The following CCZ1 variants were observed in gnomAD, a reference collection of about 807,000 sequenced individuals.
CCZ1 encodes the protein CCZ1 vacuolar protein trafficking and biogenesis associated, also known as vacuolar fusion protein CCZ1 homolog.
Under a neutral mutation model 57.8 loss-of-function variants are expected in CCZ1, and 19 were observed. The ratio of observed to expected loss-of-function variants is 0.33; its 90% confidence interval spans 0.23 to 0.48. The LOEUF is 0.48. CCZ1 is among the 20% of genes least tolerant of loss of function. The pLI, the probability that CCZ1 is intolerant of heterozygous loss-of-function variation, is 0.99. For synonymous variants in CCZ1, 81 were observed against 167.0 expected (o/e 0.49, Z 3.97); for missense variants, 200 against 492.0 (o/e 0.41, Z 5.61).
intron 8 of CCZ1, 187 bp downstream of exon 8, chr7:5,910,303 C>T (rs1187872850): frequency 2.0e-5 from 10 of 488,016 alleles, no homozygotes; most frequent in Non-Finnish European, 3.6e-5. Flanking sequence ...CAGTATGTGA[C>T]ATTCAGATGT....
intron 12 of CCZ1, among the ~76,000 whole-genome samples, chr7:5,923,179 TG>T (rs1779281830): frequency 1.1e-5 from 1 of 89,012 alleles, no homozygotes; most frequent in Non-Finnish European, 2.2e-5. Flanking sequence ...TAGCTGGGCG[TG>T]GTGGCGGGCG....
chr7:5,901,904 T>G (rs1314956715), intron 5 of CCZ1, 200 bp downstream of exon 5: 1 of 521,350 alleles, frequency 1.9e-6, no homozygotes, highest in Non-Finnish European at 3.3e-6. Flanking sequence ...TCCCTTCTCT[T>G]TTCTCAGCCT....
chr7:5,916,553 G>A (rs1209454945), intron 10 of CCZ1, among the ~76,000 whole-genome samples: 1 of 141,820 alleles, frequency 7.1e-6, no homozygotes, highest in East Asian at 2.0e-4. Flanking sequence ...GTCCCACTCT[G>A]GTGTGAGCTT....
intron 6 of CCZ1, among the ~76,000 whole-genome samples, chr7:5,904,466 A>G (rs1781756791): frequency 6.8e-6 from 1 of 146,048 alleles, no homozygotes; most frequent in Non-Finnish European, 1.5e-5. Flanking sequence ...CCTAGACACG[A>G]GAATCACGGA....
chr7:5,903,754 G>A (rs1290098323), intron 6 of CCZ1, among the ~76,000 whole-genome samples: 3 of 147,712 alleles, frequency 2.0e-5, no homozygotes, highest in Non-Finnish European at 4.4e-5. Context: ...ACCACTTTGG[G>A]AGGCCGATGC....
Position 5,900,828 on chromosome 7 carries a change from A to T in CCZ1, c.313-27A>T, listed in dbSNP as rs1280012491. ...AAACATGGTCTAATGAATTCATTGT[A>T]TAATTTCAGTTTATCAAACTTTGTA... is the stretch of plus-strand genomic sequence containing the variant. On this transcript the variant is annotated intron_variant, in intron 3 of 14. Coordinates refer to ENST00000325974, the MANE Select transcript of CCZ1 (RefSeq NM_015622.6). 4.0e-6 allele frequency: 5 copies of T among 1,263,304 alleles called. No individual in the cohort carries two copies. In the South Asian group the frequency reaches 7.0e-5, roughly 18 times the overall value. 78.3% of individuals were successfully genotyped at this position (1,263,304 alleles called of 1,614,324 possible).
At chr7:5,920,957 T>TTG (rs1212729123) in intron 12 of CCZ1, among the ~76,000 whole-genome samples, 1 of 106,970 alleles carries the variant, frequency 9.3e-6, no homozygotes, top group South Asian at 3.0e-4. Context: ...TTGGGTTTTT[T>TTG]TTTTTTTTTT....
Position 5,904,516 on chromosome 7 carries a change from C to T in CCZ1, c.523-578C>T, listed in dbSNP as rs1467130462. On this transcript the variant is annotated intron_variant, in intron 6 of 14. Transcript: ENST00000325974. ...GACCAGCCTAGGCAACATAGCAAGA[C>T]TCTGTCTATACCAAAAAAAAAAAAA... is the stretch of plus-strand genomic sequence containing the variant. Among the ~76,000 whole-genome samples, 19 of 144,950 alleles carry T rather than the reference C, an allele frequency of 1.3e-4. 2 individuals carry two copies. The highest frequency in any genetic ancestry group is 3.7e-4 in the African/African-American group (14 of 38,030).
intron 6 of CCZ1, among the ~76,000 whole-genome samples, chr7:5,904,360 A>G (rs1781754164): frequency 6.9e-6 from 1 of 144,534 alleles, no homozygotes; most frequent in African/African-American, 2.6e-5. Context: ...GGCTGGGATT[A>G]CAGGCGCGAG....
rs529101988 is a variant in CCZ1, at chr7:5,907,323, G to A, written c.698+2054G>A. 1.9e-4 allele frequency among the ~76,000 whole-genome samples: 28 copies of A among 149,654 alleles called. 1 individual carries two copies. Among genetic ancestry groups the A allele is most frequent in the Admixed American group, 5.3e-4 (8 of 15,146 alleles). On this transcript the variant is annotated intron_variant, in intron 7 of 14. Coordinates refer to ENST00000325974, the MANE Select transcript of CCZ1 (RefSeq NM_015622.6). ...GTTGTGCTTCTGTAGCATCAGGTCT[G>A]CAGAGGGATGGCTCCTCCACAGATG...
At chr7:5,899,377 GT>G (rs1781630878) in intron 1 of CCZ1, among the ~76,000 whole-genome samples, 2 of 93,206 alleles carry the variant, frequency 2.1e-5, no homozygotes, top group Non-Finnish European at 4.8e-5. Flanking sequence ...GTGTGTGTGT[GT>G]GTGTGGTTTT....
chr7:5,912,377 C>CTTTTTTTTTT lies in CCZ1; in HGVS notation c.843-442_843-433dup, dbSNP rs4036238. On this transcript the variant is annotated intron_variant, in intron 9 of 14. Coordinates refer to ENST00000325974, the MANE Select transcript of CCZ1 (RefSeq NM_015622.6). ...GAGTTAAAACTTACTTCAGCATACC[C>CTTTTTTTTTT]TTTTTTTTTTTTTTTTTTTTTTTTT... is the stretch of plus-strand genomic sequence containing the variant. Among the ~76,000 whole-genome samples the CTTTTTTTTTT allele has an allele frequency of 7.3e-5, 4 of 54,700 alleles. 1 individual carries two copies. The highest frequency in any genetic ancestry group is 3.1e-4 in the Admixed American group (1 of 3,272). 35.9% of individuals were successfully genotyped at this position (54,700 alleles called of 152,430 possible).
At chr7:5,904,704 G>A (rs1220530477) in intron 6 of CCZ1, among the ~76,000 whole-genome samples, 15 of 147,214 alleles carry the variant, frequency 1.0e-4, no homozygotes, top group Admixed American at 2.7e-4. Flanking sequence ...GGTGGCAGGC[G>A]CCTGTAGTCC....
intron 7 of CCZ1, 152 bp downstream of exon 7, chr7:5,905,421 A>G (rs1781787847): frequency 6.7e-6 from 4 of 594,232 alleles, no homozygotes; most frequent in South Asian, 2.1e-5. Context: ...TAAAGCAGTG[A>G]TTATTTAAAG....
chr7:5,916,355 T>TA (rs1202858342), intron 10 of CCZ1, among the ~76,000 whole-genome samples: 1 of 127,424 alleles, frequency 7.8e-6, no homozygotes, highest in Non-Finnish European at 1.7e-5. Context: ...TGCGGTTTAT[T>TA]ACAGTGGAAG....
intron 6 of CCZ1, among the ~76,000 whole-genome samples, chr7:5,903,422 T>C (rs1308463505): frequency 6.9e-6 from 1 of 145,628 alleles, no homozygotes; most frequent in African/African-American, 2.6e-5. Flanking sequence ...CCCAGCCTAG[T>C]TTATCTCGAA....
Position 5,910,847 on chromosome 7 carries a change from G to A in CCZ1, c.780+731G>A, listed in dbSNP as rs372997837. Among the ~76,000 whole-genome samples the A allele has an allele frequency of 2.6e-4, 38 of 146,856 alleles. 2 individuals carry two copies. Among genetic ancestry groups the A allele is most frequent in the East Asian group, 6.8e-4 (3 of 4,394 alleles). On this transcript the variant is annotated intron_variant, in intron 8 of 14. Transcript: ENST00000325974. ...GCTTCCTGGATTCAAACAATTCTCCGGCCTCAGGCTCCCGAGTAGCTGAGA... is the reference window on the plus strand; with the variant it reads ...GCTTCCTGGATTCAAACAATTCTCCAGCCTCAGGCTCCCGAGTAGCTGAGA...
chr7:5,905,914 T>C lies in CCZ1; in HGVS notation c.698+645T>C, dbSNP rs183492605. ...AGAATTTTTATACCTTTTTTTTTTT[T>C]TTTCTTTCTTATAGAGACGGGGTTT... is the stretch of plus-strand genomic sequence containing the variant. On this transcript the variant is annotated intron_variant, in intron 7 of 14. Transcript: ENST00000325974. Among the ~76,000 whole-genome samples, 312 of 138,124 alleles carry C rather than the reference T, an allele frequency of 2.3e-3. 8 individuals carry two copies. Among genetic ancestry groups the C allele is most frequent in the African/African-American group, 7.3e-3 (272 of 37,122 alleles). 90.6% of individuals were successfully genotyped at this position (138,124 alleles called of 152,430 possible). A position where few individuals can be genotyped will look rare whatever the true frequency, so the allele number is the denominator to read the frequency against.
intron 6 of CCZ1, 122 bp downstream of exon 6, chr7:5,902,866 C>T (rs1781715149): frequency 8.0e-7 from 1 of 1,247,676 alleles, no homozygotes; most frequent in East Asian, 3.9e-5. Flanking sequence ...GGCAAAGAGC[C>T]TGAGACAGAC....
Sources: allele counts gnomAD v4.1 joint callset (sites outside exome capture counted in the v4.1 genomes callset), GRCh38; gene constraint gnomAD v4.1.1; transcripts MANE v1.5; gene names NCBI Gene and HGNC (gene_info 2026-07-23, HGNC 2026-07-21).